RORA: variants seen among roughly 807,000 people sequenced by gnomAD.
RORA encodes nuclear receptor ROR-alpha.
RORA carries 7 observed loss-of-function variants against 69.5 expected under a neutral mutation model. That is an observed-to-expected ratio of 0.10 (90% confidence interval 0.06 to 0.19). The LOEUF is 0.19. RORA is among the 10% of genes least tolerant of loss of function. The pLI is 1.00. For synonymous variants in RORA, 261 were observed against 240.8 expected, an observed-to-expected ratio of 1.08 and a Z score of -0.78; for missense variants, 457 against 663.0, an observed-to-expected ratio of 0.69 and a Z score of 3.41.
intron 1 of RORA, among the ~76,000 whole-genome samples, chr15:60,721,432 C>A (rs1333533339): frequency 6.6e-6 from 1 of 152,206 alleles, no homozygotes. Flanking sequence ...CAAGGCTGGG[C>A]TTCCATTACA....
At chr15:60,639,219 A>ATTTTTTTT (rs71122868) in intron 2 of RORA, among the ~76,000 whole-genome samples, 3 of 131,342 alleles carry the variant, frequency 2.3e-5, no homozygotes, top group Non-Finnish European at 3.2e-5. Context: ...AGGTTTTTGT[A>ATTTTTTTT]TTTTTTTTTT....
intron 1 of RORA, among the ~76,000 whole-genome samples, chr15:61,136,842 A>C (rs1355560868): frequency 2.0e-5 from 3 of 152,218 alleles, no homozygotes; most frequent in South Asian, 4.2e-4. Context: ...ATGGTCTTAA[A>C]ATAAGGCTCA....
rs147845636 is a variant in RORA at position 60,628,489 on chromosome 15, T to C, written c.196+50168A>G. ...CAAGGGATCCTCCTGCCTCAGCCTC[T>C]GAAGTAGCTAGGACCATAGGTATGT... On this transcript the variant is annotated intron_variant, in intron 2 of 10. Transcript: ENST00000335670. Among the ~76,000 whole-genome samples, 536 of 152,276 alleles carry C rather than the reference T, an allele frequency of 3.5e-3. 1 individual carries two copies. Among genetic ancestry groups the C allele is most frequent in the East Asian group, 0.017 (89 of 5,184 alleles).
intron 1 of RORA, among the ~76,000 whole-genome samples, chr15:60,841,356 G>C (rs146540149): frequency 5.3e-4 from 81 of 152,276 alleles, no homozygotes; most frequent in Non-Finnish European, 8.1e-4. Flanking sequence ...AATTTGGATC[G>C]TCCTGTGGCT....
At chr15:61,211,178 G>A (rs1011443875) in intron 1 of RORA, among the ~76,000 whole-genome samples, 3 of 151,856 alleles carry the variant, frequency 2.0e-5, no homozygotes, top group African/African-American at 7.3e-5. Context: ...TGGGACGCTC[G>A]CTTAACAAAA....
chr15:60,785,769 G>C (rs140259422), intron 1 of RORA, among the ~76,000 whole-genome samples: 10 of 152,130 alleles, frequency 6.6e-5, no homozygotes, highest in Non-Finnish European at 1.0e-4. Flanking sequence ...TCGCTTCCTC[G>C]GGGAAGCATT....
intron 1 of RORA, among the ~76,000 whole-genome samples, chr15:60,838,002 A>G (rs926557183): frequency 1.3e-5 from 2 of 152,140 alleles, no homozygotes; most frequent in Admixed American, 6.5e-5. Context: ...AGAAATGAAC[A>G]ACCCGGCTCT....
chr15:60,762,585 G>A (rs2071911325), intron 1 of RORA, among the ~76,000 whole-genome samples: 1 of 151,902 alleles, frequency 6.6e-6, no homozygotes. Context: ...CACACACAGG[G>A]AATAAAGGAG....
chr15:60,629,318 C>T (rs1271108549), intron 2 of RORA, among the ~76,000 whole-genome samples: 2 of 151,674 alleles, frequency 1.3e-5, no homozygotes, highest in Non-Finnish European at 1.5e-5. Context: ...TCCCAAGTAG[C>T]TGGGATTATA....
At chr15:60,699,400 A>T (rs1210727951) in intron 1 of RORA, among the ~76,000 whole-genome samples, 2 of 152,202 alleles carry the variant, frequency 1.3e-5, no homozygotes, top group Admixed American at 1.3e-4. Flanking sequence ...TCAAGATTTG[A>T]ATCTAAACAA....
chr15:61,083,354 G>C (rs2078573625), intron 1 of RORA, among the ~76,000 whole-genome samples: 1 of 152,188 alleles, frequency 6.6e-6, no homozygotes, highest in Admixed American at 6.5e-5. Context: ...GTAGGGATCA[G>C]AGAAAAGAGG....
At chr15:60,669,803 A>C (rs2070437587) in intron 2 of RORA, among the ~76,000 whole-genome samples, 2 of 152,224 alleles carry the variant, frequency 1.3e-5, no homozygotes, top group Admixed American at 6.5e-5. Flanking sequence ...AAATGGCAAA[A>C]TTTCATAGCC....
chr15:61,192,961 C>T (rs1271237723), intron 1 of RORA, among the ~76,000 whole-genome samples: 2 of 151,952 alleles, frequency 1.3e-5, no homozygotes, highest in South Asian at 4.2e-4. Context: ...GTTGCTATTC[C>T]TATTATCTTA....
At chr15:60,765,889 T>C (rs941929492) in intron 1 of RORA, among the ~76,000 whole-genome samples, 6 of 151,948 alleles carry the variant, frequency 3.9e-5, no homozygotes, top group African/African-American at 1.5e-4. Flanking sequence ...ATCGGTACTT[T>C]ACTCACTCAG....
chr15:60,809,115 A>G (rs548689702), intron 1 of RORA, among the ~76,000 whole-genome samples: 3 of 152,316 alleles, frequency 2.0e-5, no homozygotes, highest in South Asian at 4.1e-4. Context: ...AGAAATCACC[A>G]CTAAAGAACT....
At chr15:60,971,119 C>T (rs1388740722) in intron 1 of RORA, among the ~76,000 whole-genome samples, 1 of 152,072 alleles carries the variant, frequency 6.6e-6, no homozygotes, top group Non-Finnish European at 1.5e-5. Flanking sequence ...ATGAAGAGTC[C>T]AAAATGTCAC....
chr15:60,939,062 T>C lies in RORA; in HGVS notation c.167-260376A>G, dbSNP rs554608290. On this transcript the variant is annotated intron_variant, in intron 1 of 10. Coordinates refer to ENST00000335670, the MANE Select transcript of RORA (RefSeq NM_134261.3). ...CGTTGGTCCATTTCAACTTGCTACG[T>C]CCTGTAGCCATCTTCCTCTCTCAGA... is the stretch of plus-strand genomic sequence containing the variant. Among the ~76,000 whole-genome samples, 4 of 152,346 alleles carry C rather than the reference T, an allele frequency of 2.6e-5. No individual in the cohort carries two copies. In the East Asian group the frequency reaches 7.7e-4, roughly 29 times the overall value.
chr15:60,647,762 GA>G (rs1414913719), intron 2 of RORA, among the ~76,000 whole-genome samples: 1 of 152,210 alleles, frequency 6.6e-6, no homozygotes, highest in African/African-American at 2.4e-5. Flanking sequence ...ACTGTTGAGA[GA>G]AAAGTACACA....
At chr15:61,059,991 AG>A (rs1566968767) in intron 1 of RORA, among the ~76,000 whole-genome samples, 1 of 65,818 alleles carries the variant, frequency 1.5e-5, no homozygotes, top group East Asian at 4.5e-4. Flanking sequence ...AGGAAGAGGA[AG>A]AAGAAGAAGA....
Sources: gnomAD v4.1 joint callset for allele counts (sites outside exome capture counted in the v4.1 genomes callset) on GRCh38, gnomAD v4.1.1 for gene constraint, MANE v1.5 for transcripts, NCBI Gene and HGNC (gene_info 2026-07-23, HGNC 2026-07-21) for gene names.